KIAA1217: variants seen among roughly 807,000 people sequenced by gnomAD.
KIAA1217 encodes the protein KIAA1217.
In KIAA1217, 88 loss-of-function variants were observed where a neutral mutation model predicts 163.9. The ratio of observed to expected loss-of-function variants is 0.54; its 90% CI spans 0.45 to 0.64. The LOEUF (loss-of-function observed/expected upper bound fraction) is 0.64, where lower values mean the gene tolerates loss of function less well. Among genes scored for constraint, KIAA1217 ranks in the 30% least tolerant of loss-of-function variants. The probability of loss-of-function intolerance (pLI) is 0.00; values close to 1 mark genes in which losing one functional copy is unlikely to be tolerated. For synonymous variants in KIAA1217, 903 were observed against 923.1 expected, an observed-to-expected ratio of 0.98 and a Z score of 0.39; for missense variants, 2,372 against 2,475.0, an observed-to-expected ratio of 0.96 and a Z score of 0.88.
At position 24,033,906 on chromosome 10, in the gene KIAA1217, A is replaced by T. The variant is rs143397429; in HGVS notation, c.-171+26532A>T. Among the ~76,000 whole-genome samples, 383 of 152,342 alleles carry T rather than the reference A, an allele frequency of 2.5e-3. 1 individual carries two copies. Among genetic ancestry groups the T allele is most frequent in the African/African-American group, 8.3e-3 (347 of 41,574 alleles). ...TTTGAACAGAGGCCATACAGTTCAA[A>T]AAGCTGAAAATATTTACTGTTTGGC... On this transcript the variant is annotated intron_variant, in intron 2 of 18. Coordinates refer to the KIAA1217 transcript ENST00000376462.
At chr10:24,178,732 A>T (rs886997110) in intron 2 of KIAA1217, among the ~76,000 whole-genome samples, 1 of 152,244 alleles carries the variant, frequency 6.6e-6, no homozygotes, top group Non-Finnish European at 1.5e-5. Flanking sequence ...TCTTAGAACT[A>T]AGTGGCTCTG....
chr10:23,883,004 C>G (rs540458124), intron 1 of KIAA1217, among the ~76,000 whole-genome samples: 2 of 152,006 alleles, frequency 1.3e-5, no homozygotes, highest in East Asian at 3.9e-4. Context: ...AATTATATCT[C>G]TCTTTTACCT....
chr10:23,855,753 T>C (rs11013756), intron 1 of KIAA1217, among the ~76,000 whole-genome samples: 6 of 152,208 alleles, frequency 3.9e-5, no homozygotes, highest in Non-Finnish European at 8.8e-5. Context: ...TCGCTTCATT[T>C]CATTCATTTC....
intron 2 of KIAA1217, among the ~76,000 whole-genome samples, chr10:24,011,880 T>C (rs1346204132): frequency 6.6e-6 from 1 of 152,064 alleles, no homozygotes; most frequent in Non-Finnish European, 1.5e-5. Context: ...ACAAAGGCTT[T>C]TTCCAAACCA....
intron 2 of KIAA1217, among the ~76,000 whole-genome samples, chr10:24,182,023 C>T (rs1281499545): frequency 1.3e-5 from 2 of 152,152 alleles, no homozygotes; most frequent in Non-Finnish European, 2.9e-5. Flanking sequence ...GAGTGGGATC[C>T]AGTTAAAGGA....
Position 24,545,239 on chromosome 10 carries a change from G to A in KIAA1217, c.5334+136G>A, listed in dbSNP as rs919224801. The stretch of plus-strand genomic sequence containing the variant: ...GACATCCTGGATCTGGGGGCATGAA[G>A]AAAGTCTAAATAAACCTTTGTTACA... On this transcript the variant is annotated intron_variant, in intron 20 of 20. Coordinates refer to ENST00000376454, the MANE Select transcript of KIAA1217 (RefSeq NM_019590.5). The A allele has an allele frequency of 4.1e-6, 6 of 1,453,738 alleles. No homozygotes were observed. In the African/African-American group the frequency reaches 4.3e-5, roughly 10 times the overall value. The allele number at this position is 1,453,738 out of a possible 1,614,324, so 90.1% of individuals were successfully genotyped here.
intron 3 of KIAA1217, among the ~76,000 whole-genome samples, chr10:24,390,965 G>T (rs2054841808): frequency 6.6e-6 from 1 of 152,148 alleles, no homozygotes; most frequent in Non-Finnish European, 1.5e-5. Flanking sequence ...TGATGCATTT[G>T]TGCTTACTTT....
chr10:24,452,141 G>C (rs2061419212), intron 5 of KIAA1217, among the ~76,000 whole-genome samples: 1 of 152,088 alleles, frequency 6.6e-6, no homozygotes, highest in Non-Finnish European at 1.5e-5. Flanking sequence ...TTGCCTACTG[G>C]TAACACATTT....
rs547709021 is a variant in KIAA1217 at position 24,059,683 on chromosome 10, T to C, written c.-171+52309T>C. 1.1e-4 allele frequency among the ~76,000 whole-genome samples: 17 copies of C among 152,270 alleles called. No homozygotes were observed. The East Asian group carries it at 3.3e-3, about 29-fold the overall frequency. On this transcript the variant is annotated intron_variant, in intron 2 of 18. Coordinates refer to the KIAA1217 transcript ENST00000376462. ...AGCTCTGCCTTTCGGGTTCACGCCA[T>C]TGTCTTGCCTCAGCCTCCCAAGTAA...
intron 2 of KIAA1217, among the ~76,000 whole-genome samples, chr10:24,022,675 G>T (rs1005342650): frequency 1.3e-5 from 2 of 151,542 alleles, no homozygotes; most frequent in African/African-American, 4.8e-5. Context: ...TTTATGGCAG[G>T]TTTTTTTCAT....
At chr10:24,255,660 A>G (rs2075074989) in intron 2 of KIAA1217, 1 of 392,312 alleles carries the variant, frequency 2.5e-6, no homozygotes. Flanking sequence ...CTGCTGTGTG[A>G]TATGTTTCTA....
chr10:24,246,485 A>T (rs144380834), intron 2 of KIAA1217, among the ~76,000 whole-genome samples: 2 of 152,202 alleles, frequency 1.3e-5, no homozygotes, highest in African/African-American at 4.8e-5. Context: ...TTCTGTCGAT[A>T]TGAATGTTGC....
intron 1 of KIAA1217, among the ~76,000 whole-genome samples, chr10:23,919,530 C>T (rs1428357610): frequency 1.3e-5 from 2 of 149,638 alleles, no homozygotes; most frequent in African/African-American, 2.5e-5. Flanking sequence ...TGCTTGAGCC[C>T]GTGAGGCAGA....
At chr10:24,075,989 G>A (rs879499913) in intron 2 of KIAA1217, among the ~76,000 whole-genome samples, 3 of 151,964 alleles carry the variant, frequency 2.0e-5, no homozygotes, top group Non-Finnish European at 4.4e-5. Context: ...AGCCTAAACT[G>A]TAACAGAAGC....
chr10:24,540,756 C>T (rs777072446), intron 17 of KIAA1217, among the ~76,000 whole-genome samples: 1 of 151,930 alleles, frequency 6.6e-6, no homozygotes, highest in Non-Finnish European at 1.5e-5. Flanking sequence ...TTTTTAAATT[C>T]ATTTACATAT....
chr10:24,380,826 A>G (rs1331503846), intron 2 of KIAA1217, 43 bp from the exon 3 acceptor site: 1 of 1,388,272 alleles, frequency 7.2e-7, no homozygotes, highest in Non-Finnish European at 9.7e-7. Context: ...CACACGATTA[A>G]TAATAGTCTA....
chr10:24,368,280 T>C (rs920254470), intron 2 of KIAA1217, among the ~76,000 whole-genome samples: 2 of 152,186 alleles, frequency 1.3e-5, no homozygotes, highest in African/African-American at 4.8e-5. Flanking sequence ...TAGTGAGCTC[T>C]TCCCTACAAC....
At chr10:24,378,514 A>G (rs1287738648) in intron 2 of KIAA1217, among the ~76,000 whole-genome samples, 1 of 151,950 alleles carries the variant, frequency 6.6e-6, no homozygotes, top group Non-Finnish European at 1.5e-5. Flanking sequence ...CTGTCCATCT[A>G]TTGCATATAT....
intron 2 of KIAA1217, among the ~76,000 whole-genome samples, chr10:24,220,785 G>C (rs569029183): frequency 7.0e-6 from 1 of 143,360 alleles, no homozygotes; most frequent in South Asian, 2.3e-4. Flanking sequence ...TTTGGAGATG[G>C]GTTATTGCTG....
Sources: allele counts gnomAD v4.1 joint callset (sites outside exome capture counted in the v4.1 genomes callset), GRCh38; gene constraint gnomAD v4.1.1; transcripts MANE v1.5; gene names NCBI Gene and HGNC (gene_info 2026-07-23, HGNC 2026-07-21).